Variants in SBF2 observed in about 807,000 individuals in gnomAD.
The protein encoded by SBF2 is SET binding factor 2, also known as myotubularin-related protein 13.
In SBF2, 112 loss-of-function variants were observed where a neutral mutation model predicts 225.2. That is an observed-to-expected ratio of 0.50 (90% confidence interval 0.43 to 0.58). The LOEUF is 0.58. Among genes scored for constraint, SBF2 ranks in the 20% least tolerant of loss-of-function variants. The pLI is 0.00. For missense variants in SBF2, 1,996 were observed against 2,206.2 expected, an observed-to-expected ratio of 0.90 and a Z score of 1.91; for synonymous variants, 763 against 773.3, an observed-to-expected ratio of 0.99 and a Z score of 0.22.
chr11:10,013,483 C>T (rs72858804), intron 6 of SBF2, among the ~76,000 whole-genome samples: 7,889 of 152,248 alleles, frequency 0.052, 296 homozygotes, highest in Middle Eastern at 0.16. Context: ...TTGTCATTTG[C>T]TTTTGGTCAA....
At chr11:9,989,401 C>T (rs1947328195) in intron 13 of SBF2, 96 bp downstream of exon 13, 1 of 742,080 alleles carries the variant, frequency 1.3e-6, no homozygotes, top group Non-Finnish European at 2.2e-6. Context: ...AAAGAGCTCA[C>T]TCACGTAACC....
chr11:10,216,363 GAAT>G (rs924923171), intron 1 of SBF2, among the ~76,000 whole-genome samples: 2 of 152,146 alleles, frequency 1.3e-5, no homozygotes, highest in Non-Finnish European at 2.9e-5. Context: ...ATGTTACCTA[GAAT>G]AAGAAAAAAT....
At chr11:10,287,881 G>T (rs1963902188) in intron 1 of SBF2, among the ~76,000 whole-genome samples, 1 of 152,206 alleles carries the variant, frequency 6.6e-6, no homozygotes, top group Non-Finnish European at 1.5e-5. Flanking sequence ...GCGTGGAGTG[G>T]TGAGGGGTGT....
At chr11:10,058,185 T>C (rs1950318912) in intron 2 of SBF2, among the ~76,000 whole-genome samples, 1 of 152,108 alleles carries the variant, frequency 6.6e-6, no homozygotes, top group African/African-American at 2.4e-5. Flanking sequence ...GATTGACGAA[T>C]AGAATTCAGA....
intron 17 of SBF2, among the ~76,000 whole-genome samples, chr11:9,861,878 ACTAAT>A (rs1709064923): frequency 6.6e-6 from 1 of 152,164 alleles, no homozygotes; most frequent in Admixed American, 6.5e-5. Flanking sequence ...ATATGCAAAA[ACTAAT>A]CTAAATAGTT....
intron 16 of SBF2, among the ~76,000 whole-genome samples, chr11:9,955,099 G>A (rs1190119404): frequency 3.3e-5 from 5 of 151,838 alleles, no homozygotes; most frequent in Non-Finnish European, 7.4e-5. Context: ...CTAAAAAACT[G>A]AGGACTTTTT....
intron 16 of SBF2, among the ~76,000 whole-genome samples, chr11:9,912,587 GA>G (rs1862732162): frequency 6.6e-6 from 1 of 151,996 alleles, no homozygotes; most frequent in Non-Finnish European, 1.5e-5. Context: ...CGTCTCAAAA[GA>G]AAAAAATTCT....
At chr11:10,227,374 T>G (rs1053897804) in intron 1 of SBF2, among the ~76,000 whole-genome samples, 7 of 152,204 alleles carry the variant, frequency 4.6e-5, no homozygotes, top group African/African-American at 1.7e-4. Context: ...GCTTTTGGTG[T>G]TTTAGACATG....
intron 16 of SBF2, among the ~76,000 whole-genome samples, chr11:9,936,853 T>C (rs934712767): frequency 6.6e-6 from 1 of 152,118 alleles, no homozygotes; most frequent in South Asian, 2.1e-4. Context: ...CTAATGTAAA[T>C]GACAAGTTCA....
chr11:10,148,660 G>A (rs951857599), intron 2 of SBF2, among the ~76,000 whole-genome samples: 4 of 151,668 alleles, frequency 2.6e-5, no homozygotes, highest in Non-Finnish European at 5.9e-5. Context: ...CACAACATAC[G>A]CCTTAAAGAG....
intron 1 of SBF2, among the ~76,000 whole-genome samples, chr11:10,288,629 T>C (rs73420925): frequency 0.02 from 2,970 of 152,130 alleles, 97 homozygotes; most frequent in African/African-American, 0.068. Flanking sequence ...GCAGGCAGAT[T>C]GTCCCATCAT....
chr11:10,055,593 T>C (rs969233702), intron 2 of SBF2, among the ~76,000 whole-genome samples: 1 of 143,968 alleles, frequency 6.9e-6, no homozygotes, highest in Non-Finnish European at 1.5e-5. Flanking sequence ...TACTAACTCA[T>C]AAAAAAGAAC....
At chr11:10,069,322 C>A (rs1950763176) in intron 2 of SBF2, among the ~76,000 whole-genome samples, 1 of 83,048 alleles carries the variant, frequency 1.2e-5, no homozygotes, top group South Asian at 4.9e-4. Flanking sequence ...CCCCCCACCC[C>A]CCAACAGGCC....
chr11:10,042,908 T>G lies in SBF2; in HGVS notation c.215A>C (p.Asp72Ala), dbSNP rs1060500000. 6.2e-7 allele frequency: 1 copy of G among 1,614,108 alleles called. No individual in the cohort carries two copies. Among genetic ancestry groups the G allele is most frequent in the Non-Finnish European group, 8.5e-7 (1 of 1,179,958 alleles). ...QPTFFVVVLT[D>A]IDSDRHYCSC... is the part of the protein sequence containing the mutation. ...GCAGTAATGTCGATCTGAGTCAATG[T>G]CTGTCAGGACAACCACAAAGAACGT... Residue 72 changes from aspartate to alanine, a missense_variant, in exon 3 of 40, where the codon GAC becomes GCC. By Grantham distance (126) the Asp-to-Ala change is moderately radical. Coordinates refer to ENST00000256190, the MANE Select transcript of SBF2 (RefSeq NM_030962.4).
chr11:10,258,905 C>G (rs2135507205), intron 1 of SBF2, among the ~76,000 whole-genome samples: 1 of 152,138 alleles, frequency 6.6e-6, no homozygotes, highest in African/African-American at 2.4e-5. Flanking sequence ...TAAGAAACTA[C>G]TAATAAGCAA....
chr11:9,785,018 T>C, intron 37 of SBF2, 107 bp downstream of exon 37: 1 of 999,976 alleles, frequency 1.0e-6, no homozygotes, highest in South Asian at 1.3e-5. Context: ...CATTTCAAGT[T>C]TATAAAAGGC....
chr11:10,170,692 T>C (rs914378690), intron 2 of SBF2, among the ~76,000 whole-genome samples: 7 of 152,188 alleles, frequency 4.6e-5, no homozygotes, highest in Non-Finnish European at 8.8e-5. Context: ...AAGAATGTTA[T>C]TGATATTTTG....
At chr11:10,097,915 G>A (rs1169221851) in intron 2 of SBF2, among the ~76,000 whole-genome samples, 1 of 151,880 alleles carries the variant, frequency 6.6e-6, no homozygotes, top group Non-Finnish European at 1.5e-5. Context: ...TCACCCCACC[G>A]ACAACACACA....
chr11:10,258,550 C>G (rs556827380), intron 1 of SBF2, among the ~76,000 whole-genome samples: 2 of 152,138 alleles, frequency 1.3e-5, no homozygotes, highest in Non-Finnish European at 2.9e-5. Context: ...AAAAAAATTT[C>G]ACATGACCAT....
Sources: allele counts gnomAD v4.1 joint callset (sites outside exome capture counted in the v4.1 genomes callset), GRCh38; gene constraint gnomAD v4.1.1; transcripts MANE v1.5; gene names NCBI Gene and HGNC (gene_info 2026-07-23, HGNC 2026-07-21).